Variants in CREBBP observed in about 807,000 individuals in gnomAD.
CREBBP encodes CREB binding lysine acetyltransferase.
Under a neutral mutation model 265.0 loss-of-function variants are expected in CREBBP, and 19 were observed. The observed-to-expected ratio is 0.07, with a 90% CI of 0.05 to 0.11. The LOEUF (loss-of-function observed/expected upper bound fraction) is 0.11, where lower values mean the gene tolerates loss of function less well. Among genes scored for constraint, CREBBP ranks in the 10% least tolerant of loss-of-function variants. The pLI is 1.00. For missense variants in CREBBP, 2,525 were observed against 3,219.0 expected, an observed-to-expected ratio of 0.78 and a Z score of 5.22; for synonymous variants, 1,457 against 1,223.7, an observed-to-expected ratio of 1.19 and a Z score of -3.98.
intron 19 of CREBBP, among the ~76,000 whole-genome samples, chr16:3,755,858 C>T (rs2052573638): frequency 6.6e-6 from 1 of 152,132 alleles, no homozygotes; most frequent in Admixed American, 6.6e-5. Flanking sequence ...TCTGTCCTTC[C>T]CCCTTGCACC....
chr16:3,768,513 A>G lies in CREBBP; in HGVS notation c.3061-604T>C, dbSNP rs374332586. The stretch of plus-strand genomic sequence containing the variant: ...CACATACTCAGATTTTTCACTACAG[A>G]TATTTCTAATTTGGAATAAAAATCT... On this transcript the variant is annotated intron_variant, in intron 15 of 30. Coordinates refer to ENST00000262367, the MANE Select transcript of CREBBP (RefSeq NM_004380.3). Among the ~76,000 whole-genome samples the G allele has an allele frequency of 7.6e-4, 116 of 152,256 alleles. 3 individuals carry two copies. The South Asian group carries it at 0.021, about 27-fold the overall frequency.
chr16:3,876,048 T>C (rs1053187371), intron 1 of CREBBP, among the ~76,000 whole-genome samples: 2 of 152,080 alleles, frequency 1.3e-5, no homozygotes, highest in Non-Finnish European at 2.9e-5. Flanking sequence ...TCTTTTCCTT[T>C]TTCCCCCAGA....
At chr16:3,766,437 T>C (rs1473708447) in intron 16 of CREBBP, among the ~76,000 whole-genome samples, 3 of 152,118 alleles carry the variant, frequency 2.0e-5, no homozygotes, top group Non-Finnish European at 4.4e-5. Flanking sequence ...TTACTTATTT[T>C]TGTTTTGGAA....
At chr16:3,807,493 G>T (rs1283703279) in intron 3 of CREBBP, among the ~76,000 whole-genome samples, 1 of 152,156 alleles carries the variant, frequency 6.6e-6, no homozygotes. Context: ...GGGTTTTGAG[G>T]CCAGATATAA....
chr16:3,811,228 T>C (rs1394695836), intron 2 of CREBBP, among the ~76,000 whole-genome samples: 1 of 152,198 alleles, frequency 6.6e-6, no homozygotes, highest in Non-Finnish European at 1.5e-5. Context: ...AATATTGCAA[T>C]GAAATGATAC....
intron 16 of CREBBP, among the ~76,000 whole-genome samples, chr16:3,761,382 T>C (rs1168846549): frequency 6.6e-6 from 1 of 152,120 alleles, no homozygotes; most frequent in African/African-American, 2.4e-5. Context: ...TGCCATCAAT[T>C]CTGTGTGGGG....
In CREBBP at chr16:3,733,324, T is replaced by C. The variant is rs948304473; in HGVS notation, c.4729-1387A>G. On this transcript the variant is annotated intron_variant, in intron 28 of 30. Transcript: ENST00000262367. ...TTGCAGTGAGCTGAGATGGCGCCAC[T>C]GCACTCCAGCCTGGGCGACAGAGCG... 3.0e-4 allele frequency among the ~76,000 whole-genome samples: 42 copies of C among 142,268 alleles called. 1 individual carries two copies. Among genetic ancestry groups the C allele is most frequent in the South Asian group, 1.1e-3 (5 of 4,368 alleles). The allele number at this position is 142,268 out of a possible 152,430, so 93.3% of individuals were successfully genotyped here.
intron 2 of CREBBP, among the ~76,000 whole-genome samples, chr16:3,834,275 A>G (rs1398904614): frequency 6.6e-6 from 1 of 152,240 alleles, no homozygotes; most frequent in Non-Finnish European, 1.5e-5. Flanking sequence ...GTATTTACCC[A>G]AAACAGGTAA....
intron 1 of CREBBP, among the ~76,000 whole-genome samples, chr16:3,861,673 A>C (rs866564602): frequency 6.6e-6 from 1 of 151,398 alleles, no homozygotes; most frequent in Non-Finnish European, 1.5e-5. Flanking sequence ...AAAAAAAAGA[A>C]AGAGAAAAGC....
chr16:3,768,307 G>A (rs1031761806), intron 15 of CREBBP, among the ~76,000 whole-genome samples: 1 of 151,474 alleles, frequency 6.6e-6, no homozygotes, highest in Non-Finnish European at 1.5e-5. Context: ...CACCACACTC[G>A]GCTAATTTTT....
chr16:3,802,648 G>C (rs1039955004), intron 3 of CREBBP, among the ~76,000 whole-genome samples: 6 of 152,084 alleles, frequency 3.9e-5, no homozygotes, highest in African/African-American at 1.4e-4. Flanking sequence ...GTGTCCAAGA[G>C]TAGGTTATCA....
At chr16:3,879,729 T>A in intron 1 of CREBBP, 103 bp downstream of exon 1, 1 of 1,262,468 alleles carries the variant, frequency 7.9e-7, no homozygotes, top group Non-Finnish European at 1.1e-6. Context: ...TGCTCCGAGC[T>A]CCCGGCTCGA....
At chr16:3,857,007 G>A (rs1262531694) in intron 1 of CREBBP, among the ~76,000 whole-genome samples, 1 of 152,146 alleles carries the variant, frequency 6.6e-6, no homozygotes, top group Non-Finnish European at 1.5e-5. Flanking sequence ...TTGAAATCCT[G>A]CATCCTTAGG....
chr16:3,840,412 G>A (rs1281788646), intron 2 of CREBBP: 1 of 152,350 alleles, frequency 6.6e-6, no homozygotes, highest in Non-Finnish European at 1.5e-5. Flanking sequence ...AAGATGGTTG[G>A]AGTTCGGGTT....
rs1232508750 is a variant in CREBBP, at chr16:3,725,646, C to T, written c.*2072G>A. 2 of 233,226 alleles carry T rather than the reference C, an allele frequency of 8.6e-6. No individual in the cohort carries two copies. The highest frequency in any genetic ancestry group is 1.7e-5 in the Non-Finnish European group (2 of 118,086). 14.4% of individuals were successfully genotyped at this position (233,226 alleles called of 1,614,324 possible). ...GTGCCAGATGGTGGTCTTATTTTTACTTGAATTATTCTGCATTTTATAACT... is the reference window on the plus strand; with the variant it reads ...GTGCCAGATGGTGGTCTTATTTTTATTTGAATTATTCTGCATTTTATAACT... On this transcript the variant is annotated 3_prime_UTR_variant, in exon 31 of 31. Coordinates refer to ENST00000262367, the MANE Select transcript of CREBBP (RefSeq NM_004380.3).
At chr16:3,768,146 T>G (rs977586651) in intron 15 of CREBBP, among the ~76,000 whole-genome samples, 5 of 104,508 alleles carry the variant, frequency 4.8e-5, no homozygotes, top group South Asian at 3.6e-4. Context: ...GTTTTTTTTT[T>G]TTTTTTTTTT....
rs540158972 is a variant in CREBBP at position 3,734,866 on chromosome 16, A to G, written c.4728+1170T>C. On this transcript the variant is annotated intron_variant, in intron 28 of 30. Transcript: ENST00000262367. ...CCTCACAGACGTGCTCTCATATGGGACAGGCACCAGAGTGGCAGTATGTCC... is the reference window on the plus strand; with the variant it reads ...CCTCACAGACGTGCTCTCATATGGGGCAGGCACCAGAGTGGCAGTATGTCC... 2.4e-4 allele frequency among the ~76,000 whole-genome samples: 36 copies of G among 152,216 alleles called. No individual in the cohort carries two copies. In the East Asian group the frequency reaches 6.4e-3, roughly 27 times the overall value.
rs797045493 is a variant in CREBBP at position 3,739,591 on chromosome 16, G to T, written c.4267C>A (p.Pro1423Thr). The change falls in exon 25 of 31, where the codon CCT becomes ACT. Residue 1423 changes from proline (P) to threonine (T), a missense_variant. Coordinates refer to ENST00000262367, the MANE Select transcript of CREBBP (RefSeq NM_004380.3). ...HVQEYGSDCP[P>T]PNTRRVYISY... ...CTGGAAAACTACCTCGTGTTTGGAGGGGGGCAATCAGAGCCGTATTCTTGG... is the reference window on the plus strand; with the variant it reads ...CTGGAAAACTACCTCGTGTTTGGAGTGGGGCAATCAGAGCCGTATTCTTGG... 6.2e-7 allele frequency: 1 copy of T among 1,614,074 alleles called. No homozygotes were observed. The highest frequency in any genetic ancestry group is 1.3e-5 in the African/African-American group (1 of 74,922).
At chr16:3,750,699 C>CT (rs2052452943) in intron 20 of CREBBP, among the ~76,000 whole-genome samples, 1 of 152,176 alleles carries the variant, frequency 6.6e-6, no homozygotes. Flanking sequence ...TAGCTGTCCA[C>CT]TTTGGAGCTG....
Sources: allele counts gnomAD v4.1 joint callset (sites outside exome capture counted in the v4.1 genomes callset), GRCh38; gene constraint gnomAD v4.1.1; transcripts MANE v1.5; gene names NCBI Gene and HGNC (gene_info 2026-07-23, HGNC 2026-07-21).